The following SLC22A23 variants were observed in gnomAD, a reference collection of about 807,000 sequenced individuals.
The protein encoded by SLC22A23 is solute carrier family 22 member 23.
SLC22A23 carries 26 observed loss-of-function variants against 61.0 expected under a neutral mutation model. That is an observed-to-expected ratio of 0.43 (90% CI 0.31 to 0.59). The LOEUF (loss-of-function observed/expected upper bound fraction) is 0.59. Ranked by LOEUF, SLC22A23 falls within the 20% of genes least tolerant of loss-of-function variation. SLC22A23 has a pLI of 0.11. For synonymous variants in SLC22A23, 430 were observed against 413.9 expected, an observed-to-expected ratio of 1.04 and a Z score of -0.47; for missense variants, 796 against 934.7, an observed-to-expected ratio of 0.85 and a Z score of 1.94.
chr6:3,275,836 C>T (rs913739822), intron 9 of SLC22A23, among the ~76,000 whole-genome samples: 3 of 152,260 alleles, frequency 2.0e-5, no homozygotes, highest in African/African-American at 7.2e-5. Flanking sequence ...CCCGCCTTGG[C>T]CTCCCAAAGT....
Position 3,456,460 on chromosome 6 carries a change from C to T in SLC22A23, c.100G>A (p.Ala34Thr), listed in dbSNP as rs985173986. 4 of 1,205,906 alleles carry T rather than the reference C, an allele frequency of 3.3e-6. No individual in the cohort carries two copies. Among genetic ancestry groups the T allele is most frequent in the Non-Finnish European group, 4.1e-6 (4 of 974,022 alleles). 74.7% of individuals were successfully genotyped at this position (1,205,906 alleles called of 1,614,324 possible). The change falls in exon 1 of 10, where the codon GCC becomes ACC. Residue 34 changes from alanine (A) to threonine (T), a missense_variant. Ala to Thr is a moderately conservative substitution (Grantham distance 58, BLOSUM62 0). Coordinates refer to ENST00000406686, the MANE Select transcript of SLC22A23 (RefSeq NM_015482.2). The surrounding 1 kb of genome is among the most constrained non-coding windows in gnomAD (Gnocchi z 7.1). ...GCGCGTCCCCCGAGGGGCGCCGAGGCCGCCGCGTCCCCGGGCGGCAGGGAG... is the reference window on the plus strand; with the variant it reads ...GCGCGTCCCCCGAGGGGCGCCGAGGTCGCCGCGTCCCCGGGCGGCAGGGAG... ...NGSLPPGDAA[A>T]SAPLGGRAGP...
chr6:3,284,765 C>A (rs922014612), intron 8 of SLC22A23, among the ~76,000 whole-genome samples: 2 of 152,252 alleles, frequency 1.3e-5, no homozygotes, highest in African/African-American at 4.8e-5. Context: ...CCCACCCAGA[C>A]AACTGTCCCT....
chr6:3,311,315 G>T (rs949119614), intron 4 of SLC22A23, among the ~76,000 whole-genome samples: 2 of 152,156 alleles, frequency 1.3e-5, no homozygotes, highest in African/African-American at 4.8e-5. Flanking sequence ...GCTGCAGTGA[G>T]GGTGCTTCTG....
At chr6:3,397,844 T>C (rs1210707032) in intron 3 of SLC22A23, among the ~76,000 whole-genome samples, 1 of 152,032 alleles carries the variant, frequency 6.6e-6, no homozygotes, top group Non-Finnish European at 1.5e-5. Flanking sequence ...GGGCTGTATA[T>C]GGTTCTTTCT....
At chr6:3,420,559 A>G (rs1201664410) in intron 1 of SLC22A23, among the ~76,000 whole-genome samples, 1 of 152,206 alleles carries the variant, frequency 6.6e-6, no homozygotes, top group Non-Finnish European at 1.5e-5. Context: ...ACTAAGGGGG[A>G]AAAACTACCT....
intron 1 of SLC22A23, 127 bp from the exon 2 acceptor site, chr6:3,415,982 AC>A: frequency 1.6e-6 from 1 of 622,550 alleles, no homozygotes; most frequent in Non-Finnish European, 2.8e-6. Flanking sequence ...TGCCATATAC[AC>A]CAGTCAGAGT....
At chr6:3,352,917 C>G (rs1350583157) in intron 3 of SLC22A23, among the ~76,000 whole-genome samples, 2 of 152,176 alleles carry the variant, frequency 1.3e-5, no homozygotes, top group African/African-American at 4.8e-5. Context: ...GTGACCTGCA[C>G]CTTGCTACCA....
chr6:3,303,149 A>C (rs1761740294), intron 4 of SLC22A23: 4 of 152,236 alleles, frequency 2.6e-5, no homozygotes, highest in Admixed American at 2.6e-4. Flanking sequence ...TCAAAACCAC[A>C]ATGAGGTATC....
chr6:3,427,577 C>T lies in SLC22A23; in HGVS notation c.655-11722G>A, dbSNP rs909328237. The stretch of plus-strand genomic sequence containing the variant: ...AAGGAGGAGCAGGTCCAGGTCTACC[C>T]GGGGCTCTACCGTGCTTTCAGGTCC... On this transcript the variant is annotated intron_variant, in intron 1 of 9. Coordinates refer to ENST00000406686, the MANE Select transcript of SLC22A23 (RefSeq NM_015482.2). This position sits in a 1 kb window ranked among gnomAD's most constrained non-coding sequence, Gnocchi z 4.3. Among the ~76,000 whole-genome samples the T allele has an allele frequency of 2.6e-5, 4 of 152,026 alleles. No homozygotes were observed. Among genetic ancestry groups the T allele is most frequent in the East Asian group, 1.9e-4 (1 of 5,174 alleles).
chr6:3,361,518 C>T (rs897339152), intron 3 of SLC22A23, among the ~76,000 whole-genome samples: 14 of 152,272 alleles, frequency 9.2e-5, no homozygotes, highest in East Asian at 5.8e-4. Context: ...AGGAGAACGG[C>T]GACCTGCCTA....
At chr6:3,289,948 C>T (rs1444888386) in intron 5 of SLC22A23, 82 bp from the exon 6 acceptor site, 16 of 1,126,494 alleles carry the variant, frequency 1.4e-5, no homozygotes, top group Non-Finnish European at 2.1e-5. Flanking sequence ...GCCCTGGTTC[C>T]CCAGTTCGGG....
rs371034107 is a variant in SLC22A23, at chr6:3,380,114, A to G, written c.913+30074T>C. The stretch of plus-strand genomic sequence containing the variant: ...TCTCTGTTAAAGACATAAATAATAG[A>G]ATATGAATTCTAAGCCAGAGTAGCG... On this transcript the variant is annotated intron_variant, in intron 3 of 9. Coordinates refer to ENST00000406686, the MANE Select transcript of SLC22A23 (RefSeq NM_015482.2). 2.6e-4 allele frequency among the ~76,000 whole-genome samples: 40 copies of G among 152,324 alleles called. 1 individual carries two copies. The highest frequency in any genetic ancestry group is 9.1e-4 in the African/African-American group (38 of 41,562).
intron 3 of SLC22A23, among the ~76,000 whole-genome samples, chr6:3,362,142 G>A (rs1430672137): frequency 2.0e-5 from 3 of 151,636 alleles, no homozygotes; most frequent in Admixed American, 1.3e-4. Flanking sequence ...GGTGGCTCAC[G>A]CCTGTAATCC....
intron 1 of SLC22A23, among the ~76,000 whole-genome samples, chr6:3,449,958 G>A (rs558322133): frequency 6.6e-6 from 1 of 152,308 alleles, no homozygotes; most frequent in East Asian, 1.9e-4. Context: ...ATACTATGCA[G>A]ACATAAAAAA....
intron 3 of SLC22A23, among the ~76,000 whole-genome samples, chr6:3,406,699 GC>G (rs781556270): frequency 6.6e-6 from 1 of 152,110 alleles, no homozygotes; most frequent in Non-Finnish European, 1.5e-5. Context: ...TCTTGCTCTT[GC>G]CAATGTGCAC....
intron 3 of SLC22A23, among the ~76,000 whole-genome samples, chr6:3,351,650 C>T (rs1764776992): frequency 6.6e-6 from 1 of 151,872 alleles, no homozygotes; most frequent in Non-Finnish European, 1.5e-5. Context: ...TGGCTTTCGC[C>T]TAAGAACACG....
At chr6:3,331,926 C>T (rs1369248356) in intron 3 of SLC22A23, among the ~76,000 whole-genome samples, 1 of 152,206 alleles carries the variant, frequency 6.6e-6, no homozygotes, top group African/African-American at 2.4e-5. Flanking sequence ...GTGGAGAGCA[C>T]AGCTTACCAC....
chr6:3,294,705 C>T (rs1225241842), intron 5 of SLC22A23, among the ~76,000 whole-genome samples: 1 of 152,120 alleles, frequency 6.6e-6, no homozygotes, highest in Admixed American at 6.5e-5. Flanking sequence ...CAGTTGGGCA[C>T]GTTATGTGAT....
intron 8 of SLC22A23, 85 bp from the exon 9 acceptor site, chr6:3,284,060 C>G: frequency 7.2e-7 from 1 of 1,394,432 alleles, no homozygotes; most frequent in Admixed American, 2.2e-5. Flanking sequence ...CACAGCACAG[C>G]TCCTTCCCAG....
Sources: allele counts gnomAD v4.1 joint callset (sites outside exome capture counted in the v4.1 genomes callset), GRCh38; gene constraint gnomAD v4.1.1; non-coding constraint Gnocchi (gnomAD v3.1); transcripts MANE v1.5; gene names NCBI Gene and HGNC (gene_info 2026-07-23, HGNC 2026-07-21).